APBA1: variants seen among roughly 807,000 people sequenced by gnomAD.
The protein encoded by APBA1 is amyloid beta precursor protein binding family A member 1, also known as amyloid-beta A4 precursor protein-binding family A member 1.
APBA1 carries 55 observed loss-of-function variants against 86.6 expected under a neutral mutation model. The observed-to-expected ratio is 0.64, with a 90% CI of 0.51 to 0.80. The LOEUF (loss-of-function observed/expected upper bound fraction) is 0.80, where lower values mean the gene tolerates loss of function less well. Ranked by LOEUF, APBA1 falls within the 30% of genes least tolerant of loss-of-function variation. The pLI is 0.00. For synonymous variants in APBA1, 511 were observed against 493.9 expected (o/e 1.03, Z -0.46); for missense variants, 1,090 against 1,183.0 (o/e 0.92, Z 1.15).
In APBA1 at chr9:69,516,748, G is replaced by T. The variant is rs1159656290; in HGVS notation, c.463C>A (p.Leu155Met). The stretch of plus-strand genomic sequence containing the variant: ...GCATTCATGGCTTCCTCGTGCTCCA[G>T]CGAGTGGAAGTGCAGGTGGTTGGGC... ...ALPNHLHFHS[L>M]EHEEAMNAAY... The change falls in exon 2 of 13, where the codon CTG becomes ATG. Residue 155 changes from leucine (L) to methionine (M), a missense_variant. Transcript: ENST00000265381. This position sits in a 1 kb window ranked among gnomAD's most constrained non-coding sequence, Gnocchi z 7.3. The T allele has an allele frequency of 6.2e-7, 1 of 1,612,094 alleles. No individual in the cohort carries two copies.
intron 1 of APBA1, among the ~76,000 whole-genome samples, chr9:69,597,039 T>C (rs928646360): frequency 2.0e-5 from 3 of 152,354 alleles, no homozygotes; most frequent in Non-Finnish European, 2.9e-5. Context: ...GTTTGGCACA[T>C]TCTGCTTGAG....
At chr9:69,545,016 A>C (rs1372898714) in intron 1 of APBA1, among the ~76,000 whole-genome samples, 1 of 152,222 alleles carries the variant, frequency 6.6e-6, no homozygotes, top group Non-Finnish European at 1.5e-5. Context: ...ACATGATCCT[A>C]GGACCTGTTT....
At chr9:69,639,708 A>G (rs1442044150) in intron 1 of APBA1, among the ~76,000 whole-genome samples, 1 of 152,206 alleles carries the variant, frequency 6.6e-6, no homozygotes, top group Non-Finnish European at 1.5e-5. Context: ...TGGTAAATAA[A>G]AAGAAAGAAT....
intron 2 of APBA1, among the ~76,000 whole-genome samples, chr9:69,503,963 T>C (rs1835915984): frequency 6.6e-6 from 1 of 152,082 alleles, no homozygotes; most frequent in South Asian, 2.1e-4. Context: ...CCTCTGGTAG[T>C]TTCCTGAGAA....
chr9:69,517,217 A>G lies in APBA1; in HGVS notation c.-7T>C. 6.8e-7 allele frequency: 1 copy of G among 1,472,544 alleles called. No homozygotes were observed. 91.2% of individuals were successfully genotyped at this position (1,472,544 alleles called of 1,614,324 possible). A position where few individuals can be genotyped will look rare whatever the true frequency, so the allele number is the denominator to read the frequency against. ...ACCCCTCCAAGTGGTTCATGGTGGG[A>G]GTCGGAACGGCTAGGAGAGAAGCTG... On this transcript the variant is annotated 5_prime_UTR_variant, in exon 2 of 13. Transcript: ENST00000265381.
intron 11 of APBA1, among the ~76,000 whole-genome samples, chr9:69,435,454 CTGT>C (rs1480990309): frequency 6.6e-6 from 1 of 152,014 alleles, no homozygotes; most frequent in Non-Finnish European, 1.5e-5. Flanking sequence ...TCTCCAGCAC[CTGT>C]TGTTTCCTGA....
intron 1 of APBA1, among the ~76,000 whole-genome samples, chr9:69,640,377 G>A (rs965152513): frequency 3.9e-5 from 6 of 152,074 alleles, no homozygotes; most frequent in African/African-American, 9.7e-5. Flanking sequence ...TGGGGCACAA[G>A]TATTCCTTGG....
At chr9:69,670,953 T>C (rs1490430507) in intron 1 of APBA1, among the ~76,000 whole-genome samples, 1 of 152,184 alleles carries the variant, frequency 6.6e-6, no homozygotes, top group Non-Finnish European at 1.5e-5. Context: ...GAAAACGCCC[T>C]GGCTGTGTGA....
chr9:69,505,555 G>A (rs1033543769), intron 2 of APBA1, among the ~76,000 whole-genome samples: 3 of 152,096 alleles, frequency 2.0e-5, no homozygotes, highest in Non-Finnish European at 4.4e-5. Context: ...TTCTAGGATG[G>A]AGCAGAGATA....
intron 1 of APBA1, among the ~76,000 whole-genome samples, chr9:69,583,451 AC>A (rs368650963): frequency 2.0e-4 from 30 of 152,280 alleles, no homozygotes; most frequent in African/African-American, 6.3e-4. Context: ...AGCTGTGACA[AC>A]TGGGACTTAT....
chr9:69,547,718 C>A (rs1233565684), intron 1 of APBA1, among the ~76,000 whole-genome samples: 2 of 152,172 alleles, frequency 1.3e-5, no homozygotes, highest in South Asian at 2.1e-4. Context: ...CTAAAAGAAC[C>A]AAAGCCCCAC....
intron 1 of APBA1, among the ~76,000 whole-genome samples, chr9:69,636,645 A>G (rs1253528193): frequency 6.6e-6 from 1 of 151,388 alleles, no homozygotes; most frequent in South Asian, 2.1e-4. Context: ...AAAGTACAAA[A>G]ATCCTGGACA....
chr9:69,663,037 A>T (rs1823781789), intron 1 of APBA1, among the ~76,000 whole-genome samples: 1 of 152,228 alleles, frequency 6.6e-6, no homozygotes. Flanking sequence ...TTTGACATGA[A>T]ATTATTTCAT....
At chr9:69,501,667 CACACACA>C (rs1835882196) in intron 2 of APBA1, among the ~76,000 whole-genome samples, 1 of 136,678 alleles carries the variant, frequency 7.3e-6, no homozygotes, top group East Asian at 2.1e-4. Flanking sequence ...CACACACACA[CACACACA>C]CACACTAGCT....
intron 1 of APBA1, among the ~76,000 whole-genome samples, chr9:69,671,315 G>A (rs1823944017): frequency 6.6e-6 from 1 of 152,142 alleles, no homozygotes; most frequent in Non-Finnish European, 1.5e-5. Context: ...CAGGATGGAA[G>A]GCCCCTTCAA....
At chr9:69,598,178 A>G (rs1222556803) in intron 1 of APBA1, among the ~76,000 whole-genome samples, 1 of 152,090 alleles carries the variant, frequency 6.6e-6, no homozygotes, top group Non-Finnish European at 1.5e-5. Context: ...GTAAGCTATC[A>G]CAAGAACAAA....
chr9:69,629,016 T>A (rs552957692), intron 1 of APBA1, among the ~76,000 whole-genome samples: 1 of 152,214 alleles, frequency 6.6e-6, no homozygotes, highest in African/African-American at 2.4e-5. Flanking sequence ...TTTCTTCATA[T>A]CTTTTTATAG....
intron 2 of APBA1, among the ~76,000 whole-genome samples, chr9:69,487,571 T>C (rs1835631431): frequency 6.6e-6 from 1 of 152,072 alleles, no homozygotes; most frequent in Admixed American, 6.5e-5. Flanking sequence ...GACTGGGTCA[T>C]GAGAGCTCTA....
chr9:69,582,721 T>A (rs759588202), intron 1 of APBA1, among the ~76,000 whole-genome samples: 6 of 152,172 alleles, frequency 3.9e-5, no homozygotes, highest in Non-Finnish European at 8.8e-5. Flanking sequence ...TGGTGGCTCC[T>A]CCTTCTAATG....
Sources: allele counts gnomAD v4.1 joint callset (sites outside exome capture counted in the v4.1 genomes callset), GRCh38; gene constraint gnomAD v4.1.1; non-coding constraint Gnocchi (gnomAD v3.1); transcripts MANE v1.5; gene names NCBI Gene and HGNC (gene_info 2026-07-23, HGNC 2026-07-21).